Variants in ZNF469 observed in about 807,000 individuals in gnomAD.
The protein encoded by ZNF469 is zinc finger protein 469.
In ZNF469, 1 loss-of-function variant was observed where a neutral mutation model predicts 1.0. The ratio of observed to expected loss-of-function variants is 1.00; its 90% CI spans 0.35 to 4.73. The LOEUF is 4.73. Ranked by LOEUF, ZNF469 falls within the 30% of genes most tolerant of loss-of-function variation. ZNF469 has a pLI of 0.16. For missense variants in ZNF469, 6,100 were observed against 5,356.3 expected, an observed-to-expected ratio of 1.14 and a Z score of -4.33; for synonymous variants, 2,703 against 2,363.4, an observed-to-expected ratio of 1.14 and a Z score of -4.17.
At chr16:88,208,797 ACACACACTCTCTCT>A in the ZNF469 span, among the ~76,000 whole-genome samples, 35 of 71,024 alleles carry the variant, frequency 4.9e-4, no homozygotes, top group Admixed American at 6.5e-4. Flanking sequence ...ACACACACAC[ACACACACTCTCTCT>A]CTCTCTCTCT....
the ZNF469 span, among the ~76,000 whole-genome samples, chr16:88,179,422 G>C: frequency 6.6e-6 from 1 of 152,216 alleles, no homozygotes; most frequent in Non-Finnish European, 1.5e-5. Flanking sequence ...ACCCTAAGCA[G>C]GAGCAGCCGG....
chr16:88,255,699 G>A, the ZNF469 span, among the ~76,000 whole-genome samples: 3 of 152,252 alleles, frequency 2.0e-5, no homozygotes, highest in Non-Finnish European at 4.4e-5. Flanking sequence ...GGTTTATTTT[G>A]GAGAATAAAC....
chr16:88,232,328 C>G, the ZNF469 span, among the ~76,000 whole-genome samples: 33 of 152,266 alleles, frequency 2.2e-4, no homozygotes, highest in East Asian at 4.3e-3. Flanking sequence ...AAACCTCCCC[C>G]ACCCAATACG....
At chr16:88,362,816 C>G in the ZNF469 span, among the ~76,000 whole-genome samples, 1 of 152,130 alleles carries the variant, frequency 6.6e-6, no homozygotes, top group Non-Finnish European at 1.5e-5. Context: ...CCATTGTCAC[C>G]CTCCTTTGTT....
chr16:88,227,536 C>T, the ZNF469 span, among the ~76,000 whole-genome samples: 1 of 146,044 alleles, frequency 6.8e-6, no homozygotes, highest in African/African-American at 2.7e-5. Flanking sequence ...CCCCATCTCC[C>T]CGTCTCCCCT....
the ZNF469 span, among the ~76,000 whole-genome samples, chr16:88,292,628 G>C: frequency 6.6e-6 from 1 of 151,904 alleles, no homozygotes; most frequent in Non-Finnish European, 1.5e-5. Context: ...GAATCTTCTG[G>C]GGTGATGGTG....
In ZNF469 at chr16:88,427,455, C is replaced by T; in HGVS notation, c.-16C>T. ...CTCGGACAGCTGCGTCGTCCTAGCG[C>T]CAGGACGGAGGGGCCATGCCTGGGG... On this transcript the variant is annotated 5_prime_UTR_variant, in exon 3 of 3. Coordinates refer to ENST00000565624, the MANE Select transcript of ZNF469 (RefSeq NM_001367624.2). 2 of 1,485,748 alleles carry T rather than the reference C, an allele frequency of 1.3e-6. No individual in the cohort carries two copies. The highest frequency in any genetic ancestry group is 1.3e-5 in the South Asian group (1 of 76,918). 92.0% of individuals were successfully genotyped at this position (1,485,748 alleles called of 1,614,324 possible). A position where few individuals can be genotyped will look rare whatever the true frequency, so the allele number is the denominator to read the frequency against.
At chr16:88,167,217 G>A in the ZNF469 span, among the ~76,000 whole-genome samples, 2 of 151,862 alleles carry the variant, frequency 1.3e-5, no homozygotes, top group South Asian at 2.1e-4. Flanking sequence ...ACCTGCCACC[G>A]TGCCCGGCTA....
Position 88,434,483 on chromosome 16 carries a change from G to A in ZNF469, c.7013G>A (p.Gly2338Asp), listed in dbSNP as rs1597211750. The A allele has an allele frequency of 6.5e-7, 1 of 1,550,042 alleles. No homozygotes were observed. Among genetic ancestry groups the A allele is most frequent in the Non-Finnish European group, 8.7e-7 (1 of 1,146,950 alleles). Residue 2338 changes from glycine to aspartate, a missense_variant, in exon 3 of 3, where the codon GGC becomes GAC. Transcript: ENST00000565624. ...TCTCCAAGCAATACTGCCCGCCTCG[G>A]CCACAGGGAGGGCCAGGCTGTCACA... ...SYSPSNTARL[G>D]HREGQAVTAV...
chr16:88,209,207 C>G, the ZNF469 span, among the ~76,000 whole-genome samples: 1 of 152,188 alleles, frequency 6.6e-6, no homozygotes, highest in Non-Finnish European at 1.5e-5. Context: ...TCCATCTCCC[C>G]AACACTGTCC....
chr16:88,290,510 C>G, the ZNF469 span, among the ~76,000 whole-genome samples: 1 of 152,218 alleles, frequency 6.6e-6, no homozygotes, highest in East Asian at 1.9e-4. Flanking sequence ...AGATGTTAGT[C>G]TCTTCCTTTC....
At chr16:88,116,146 C>G in the ZNF469 span, among the ~76,000 whole-genome samples, 3 of 152,306 alleles carry the variant, frequency 2.0e-5, no homozygotes, top group African/African-American at 7.2e-5. Flanking sequence ...AAAAAACAAG[C>G]CGATGTGAGA....
chr16:88,405,991 G>A (rs2142278867), intron 1 of ZNF469, among the ~76,000 whole-genome samples: 1 of 152,348 alleles, frequency 6.6e-6, no homozygotes, highest in African/African-American at 2.4e-5. Flanking sequence ...TGCTTTTGGG[G>A]ACTTTGAAGG....
chr16:88,173,235 A>G, the ZNF469 span, among the ~76,000 whole-genome samples: 451 of 152,300 alleles, frequency 3.0e-3, 2 homozygotes, highest in African/African-American at 0.01. Context: ...GAAAAAACAT[A>G]TTATGTATAG....
At chr16:88,348,040 C>T in the ZNF469 span, among the ~76,000 whole-genome samples, 4 of 152,238 alleles carry the variant, frequency 2.6e-5, no homozygotes, top group South Asian at 2.1e-4. Flanking sequence ...GCCTGGTGGG[C>T]GGAGCATGGT....
chr16:88,392,554 C>G (rs1599345703), intron 1 of ZNF469, among the ~76,000 whole-genome samples: 1 of 152,250 alleles, frequency 6.6e-6, no homozygotes, highest in Non-Finnish European at 1.5e-5. Flanking sequence ...ACATTCCCAG[C>G]TGAGTGGAAA....
chr16:88,236,187 C>T, the ZNF469 span, among the ~76,000 whole-genome samples: 9 of 152,348 alleles, frequency 5.9e-5, no homozygotes, highest in South Asian at 1.9e-3. Context: ...AAGCCCATCT[C>T]TCCAGCATCA....
the ZNF469 span, among the ~76,000 whole-genome samples, chr16:88,376,890 G>T: frequency 9.9e-5 from 15 of 152,110 alleles, no homozygotes; most frequent in East Asian, 1.9e-4. Flanking sequence ...CAGCCCAGAC[G>T]CCAGGCCTCC....
Position 88,435,665 on chromosome 16 carries a change from C to T in ZNF469, c.8195C>T (p.Pro2732Leu). The T allele has an allele frequency of 6.4e-7, 1 of 1,550,484 alleles. No individual in the cohort carries two copies. The highest frequency in any genetic ancestry group is 1.2e-5 in the South Asian group (1 of 84,058). ...QKPPGDRMLC[P>L]GRMDGAALGE... is the part of the protein sequence containing the mutation. ...CCACCTGGAGATCGGATGCTGTGTC[C>T]AGGGAGGATGGATGGTGCAGCTCTG... Residue 2732 changes from proline (P) to leucine (L), a missense_variant, in exon 3 of 3, where the codon CCA (proline) becomes CTA (leucine). Pro to Leu is a moderately conservative substitution (Grantham distance 98, BLOSUM62 -3). Transcript: ENST00000565624.
Sources: allele counts gnomAD v4.1 joint callset (sites outside exome capture counted in the v4.1 genomes callset), GRCh38; gene constraint gnomAD v4.1.1; transcripts MANE v1.5; gene names NCBI Gene and HGNC (gene_info 2026-07-23, HGNC 2026-07-21).